ADGRB1: variants seen among roughly 807,000 people sequenced by gnomAD.
The protein encoded by ADGRB1 is adhesion G protein-coupled receptor B1.
A neutral mutation model predicts 175.7 loss-of-function variants in ADGRB1; 36 were observed. That is an observed-to-expected ratio of 0.20 (90% CI 0.16 to 0.27). The LOEUF (loss-of-function observed/expected upper bound fraction) is 0.27, where lower values mean the gene tolerates loss of function less well. Ranked by LOEUF, ADGRB1 falls within the 10% of genes least tolerant of loss-of-function variation. The probability of loss-of-function intolerance (pLI) is 1.00; values close to 1 mark genes in which losing one functional copy is unlikely to be tolerated. For synonymous variants in ADGRB1, 1,054 were observed against 979.4 expected (o/e 1.08, Z -1.42); for missense variants, 1,731 against 2,255.3 (o/e 0.77, Z 4.71).
intron 1 of ADGRB1, among the ~76,000 whole-genome samples, chr8:142,453,425 G>A (rs1223029098): frequency 6.6e-6 from 1 of 152,168 alleles, no homozygotes; most frequent in Non-Finnish European, 1.5e-5. Flanking sequence ...CTGACCCTCA[G>A]CAAAGACCCC....
intron 22 of ADGRB1, among the ~76,000 whole-genome samples, chr8:142,523,663 A>C (rs1844001914): frequency 6.6e-6 from 1 of 151,672 alleles, no homozygotes; most frequent in Non-Finnish European, 1.5e-5. Context: ...TGTTTGACAG[A>C]TGACATGAGG....
intron 1 of ADGRB1, among the ~76,000 whole-genome samples, chr8:142,457,106 T>C (rs1279168471): frequency 3.9e-5 from 6 of 152,094 alleles, no homozygotes; most frequent in Admixed American, 3.3e-4. Context: ...GGAGATGCAG[T>C]GAGGCCCGGA....
Position 142,484,021 on chromosome 8 carries a change from G to C in ADGRB1, c.2175G>C (p.Arg725=), listed in dbSNP as rs780150357. 24 of 1,612,846 alleles carry C rather than the reference G, an allele frequency of 1.5e-5. No individual in the cohort carries two copies. The highest frequency in any genetic ancestry group is 1.2e-4 in the Admixed American group (7 of 59,808). Residue 725 remains arginine (R), a synonymous_variant, in exon 12 of 31, where the codon CGG becomes CGC. Coordinates refer to ENST00000517894, the MANE Select transcript of ADGRB1 (RefSeq NM_001702.3). ...GCAACCTGTTGGCAGAGGAGAATCGGGACAAGTGGGAGGAGGCCCAGCTGG... is the reference window on the plus strand; with the variant it reads ...GCAACCTGTTGGCAGAGGAGAATCGCGACAAGTGGGAGGAGGCCCAGCTGG... The part of the protein sequence containing the change: ...ILSNLLAEEN[R]DKWEEAQLAG...
chr8:142,544,460 G>A lies in ADGRB1; in HGVS notation c.*43G>A. 1 of 1,428,816 alleles carries A rather than the reference G, an allele frequency of 7.0e-7. No homozygotes were observed. Among genetic ancestry groups the A allele is most frequent in the Non-Finnish European group, 9.2e-7 (1 of 1,092,136 alleles). 88.5% of individuals were successfully genotyped at this position (1,428,816 alleles called of 1,614,324 possible). On this transcript the variant is annotated 3_prime_UTR_variant, in exon 31 of 31. Coordinates refer to ENST00000517894, the MANE Select transcript of ADGRB1 (RefSeq NM_001702.3). Reference sequence around the variant, plus strand: ...ACGCACTGGGCCACGGAGGAGGGATGCTGCTCCGCCCGCTCCTGCCGCAGA... The same window carrying A: ...ACGCACTGGGCCACGGAGGAGGGATACTGCTCCGCCCGCTCCTGCCGCAGA...
chr8:142,464,684 G>T lies in ADGRB1; in HGVS notation c.486G>T (p.Pro162=). 2 of 1,526,234 alleles carry T rather than the reference G, an allele frequency of 1.3e-6. No homozygotes were observed. The highest frequency in any genetic ancestry group is 1.8e-6 in the Non-Finnish European group (2 of 1,142,368). The allele number at this position is 1,526,234 out of a possible 1,614,324, so 94.5% of individuals were successfully genotyped here. ...QHDGLRPRAG[P]PGPTDDFSVE... Reference sequence around the variant, plus strand: ...ACGGGCTCCGGCCCCGGGCCGGGCCGCCGGGCCCCACCGACGACTTCTCCG... The same window carrying T: ...ACGGGCTCCGGCCCCGGGCCGGGCCTCCGGGCCCCACCGACGACTTCTCCG... Residue 162 remains proline (P), a synonymous_variant, in exon 2 of 31, where the codon CCG becomes CCT. Transcript: ENST00000517894.
chr8:142,460,916 C>T (rs191485237), intron 1 of ADGRB1, among the ~76,000 whole-genome samples: 309 of 150,774 alleles, frequency 2.0e-3, no homozygotes, highest in African/African-American at 7.5e-3. Context: ...TTCTAAGGGG[C>T]GGTTCTGATA....
At chr8:142,519,431 C>T (rs886969060) in intron 19 of ADGRB1, among the ~76,000 whole-genome samples, 22 of 152,202 alleles carry the variant, frequency 1.4e-4, no homozygotes, top group Non-Finnish European at 5.9e-5. Context: ...GCCCTCTGCT[C>T]TCCAGCTGGG....
intron 3 of ADGRB1, 33 bp from the exon 4 acceptor site, chr8:142,476,552 C>T (rs1563691581): frequency 6.5e-7 from 1 of 1,535,042 alleles, no homozygotes; most frequent in Non-Finnish European, 8.8e-7. Context: ...GGGCAAAGAA[C>T]CGCTCCTGTG....
At position 142,542,733 on chromosome 8, in the gene ADGRB1, C is replaced by A; in HGVS notation, c.4413+86C>A. 7.9e-7 allele frequency: 1 copy of A among 1,270,292 alleles called. No homozygotes were observed. The highest frequency in any genetic ancestry group is 2.9e-5 in the East Asian group (1 of 34,240). 78.7% of individuals were successfully genotyped at this position (1,270,292 alleles called of 1,614,324 possible). On this transcript the variant is annotated intron_variant, in intron 28 of 30. Coordinates refer to ENST00000517894, the MANE Select transcript of ADGRB1 (RefSeq NM_001702.3). This position sits in a 1 kb window ranked among gnomAD's most constrained non-coding sequence, Gnocchi z 6.3. Reference sequence around the variant, plus strand: ...TCACCCCTGCTGGGTGGGACCCCCACGCCGTCAGCGGGGCGGGCTGGCTCT... The same window carrying A: ...TCACCCCTGCTGGGTGGGACCCCCAAGCCGTCAGCGGGGCGGGCTGGCTCT...
intron 25 of ADGRB1, among the ~76,000 whole-genome samples, chr8:142,535,427 C>T (rs1482358066): frequency 6.6e-6 from 1 of 152,194 alleles, no homozygotes; most frequent in East Asian, 1.9e-4. Flanking sequence ...CTCCCAGCCC[C>T]TGTGTGTGGG....
In ADGRB1 at chr8:142,543,450, T is replaced by C. The variant is rs1193824398; in HGVS notation, c.4449+12T>C. The C allele has an allele frequency of 6.2e-7, 1 of 1,613,572 alleles. No homozygotes were observed. Among genetic ancestry groups the C allele is most frequent in the Non-Finnish European group, 8.5e-7 (1 of 1,179,720 alleles). Reference sequence around the variant, plus strand: ...AACTGGACTTTGAGGTGAGTTCTGGTGTCCCCCCCCACCAGACACTTAGGG... The same window carrying C: ...AACTGGACTTTGAGGTGAGTTCTGGCGTCCCCCCCCACCAGACACTTAGGG... On this transcript the variant is annotated intron_variant, in intron 29 of 30. Coordinates refer to ENST00000517894, the MANE Select transcript of ADGRB1 (RefSeq NM_001702.3). This position sits in a 1 kb window ranked among gnomAD's most constrained non-coding sequence, Gnocchi z 4.4.
At position 142,542,212 on chromosome 8, in the gene ADGRB1, C is replaced by T. The variant is rs374217997; in HGVS notation, c.3978C>T (p.Phe1326=). The T allele has an allele frequency of 8.1e-6, 13 of 1,613,618 alleles. No homozygotes were observed. The South Asian group carries it at 1.2e-4, about 15-fold the overall frequency. Residue 1326 remains phenylalanine (F), a synonymous_variant, in exon 28 of 31, where the codon TTC becomes TTT. Transcript: ENST00000517894. This position sits in a 1 kb window ranked among gnomAD's most constrained non-coding sequence, Gnocchi z 6.3. ...KSSFVGDGDI[F]KKLDSELSRA... is the part of the protein sequence containing the mutation. ...CCTTCGTCGGTGACGGGGACATCTT[C>T]AAGAAGCTGGACTCGGAGCTGAGCC...
rs1335346018 is a variant in ADGRB1, at chr8:142,537,646, C to G, written c.3666+564C>G. Among the ~76,000 whole-genome samples the G allele has an allele frequency of 6.6e-6, 1 of 152,122 alleles. No homozygotes were observed. The highest frequency in any genetic ancestry group is 1.5e-5 in the Non-Finnish European group (1 of 67,986). Reference sequence around the variant, plus strand: ...TCACCCTCTCTGGGCTCTCTGCCCTCCCCCTGCCCATCCTGGTGTCCTCAG... The same window carrying G: ...TCACCCTCTCTGGGCTCTCTGCCCTGCCCCTGCCCATCCTGGTGTCCTCAG... On this transcript the variant is annotated intron_variant, in intron 26 of 30. Transcript: ENST00000517894. The surrounding 1 kb of genome is among the most constrained non-coding windows in gnomAD (Gnocchi z 4.6).
At chr8:142,536,864 C>A in intron 25 of ADGRB1, 123 bp from the exon 26 acceptor site, 1 of 743,046 alleles carries the variant, frequency 1.3e-6, no homozygotes, top group Non-Finnish European at 2.1e-6. Flanking sequence ...GGGAGGCCTC[C>A]TGCTGACCAG....
rs370734473 is a variant in ADGRB1, at chr8:142,533,285, C to G, written c.3399-10C>G. ...GCGGGGGCGGCAGCGCTGACACCCT[C>G]CATCCCCAGGGCCTCCCTGTGGAGC... On this transcript the variant is annotated splice_polypyrimidine_tract_variant and intron_variant, in intron 24 of 30. Coordinates refer to ENST00000517894, the MANE Select transcript of ADGRB1 (RefSeq NM_001702.3). 6.2e-5 allele frequency: 94 copies of G among 1,510,022 alleles called. No individual in the cohort carries two copies. Among genetic ancestry groups the G allele is most frequent in the Non-Finnish European group, 8.1e-5 (91 of 1,127,120 alleles). 93.5% of individuals were successfully genotyped at this position (1,510,022 alleles called of 1,614,324 possible).
chr8:142,527,319 C>G (rs1178371951), intron 24 of ADGRB1, among the ~76,000 whole-genome samples: 1 of 152,214 alleles, frequency 6.6e-6, no homozygotes, highest in East Asian at 1.9e-4. Context: ...TCTGTGTCAT[C>G]CAGCCCTGGC....
intron 2 of ADGRB1, among the ~76,000 whole-genome samples, chr8:142,469,526 T>C (rs1455870134): frequency 7.0e-6 from 1 of 142,786 alleles, no homozygotes; most frequent in East Asian, 2.0e-4. Flanking sequence ...TGCACGTGCA[T>C]GTGTGAATGT....
At chr8:142,541,585 G>C (rs554460234) in intron 27 of ADGRB1, among the ~76,000 whole-genome samples, 1 of 152,220 alleles carries the variant, frequency 6.6e-6, no homozygotes, top group Non-Finnish European at 1.5e-5. Flanking sequence ...AGCACAGACC[G>C]TTCTGCCTGT....
In ADGRB1 at chr8:142,537,485, G is replaced by A. The variant is rs1845001300; in HGVS notation, c.3666+403G>A. 6.6e-6 allele frequency among the ~76,000 whole-genome samples: 1 copy of A among 151,956 alleles called. No homozygotes were observed. The highest frequency in any genetic ancestry group is 2.1e-4 in the South Asian group (1 of 4,824). On this transcript the variant is annotated intron_variant, in intron 26 of 30. Transcript: ENST00000517894. This position sits in a 1 kb window ranked among gnomAD's most constrained non-coding sequence, Gnocchi z 4.6. ...AGTCCTGCTCAGCTGCCACCTAGGG[G>A]TCCAGCCTAGCCTGCCCATCCCCTC...
Sources: allele counts gnomAD v4.1 joint callset (sites outside exome capture counted in the v4.1 genomes callset), GRCh38; gene constraint gnomAD v4.1.1; non-coding constraint Gnocchi (gnomAD v3.1); transcripts MANE v1.5; gene names NCBI Gene and HGNC (gene_info 2026-07-23, HGNC 2026-07-21).